Variants in GRIN2B observed in about 807,000 individuals in gnomAD.
GRIN2B encodes the protein glutamate ionotropic receptor NMDA type subunit 2B, also known as glutamate receptor ionotropic, NMDA 2B.
In GRIN2B, 5 loss-of-function variants were observed where a neutral mutation model predicts 114.5. The observed-to-expected ratio is 0.04, with a 90% CI of 0.02 to 0.09. The LOEUF (loss-of-function observed/expected upper bound fraction) is 0.09, where lower values mean the gene tolerates loss of function less well. Among genes scored for constraint, GRIN2B ranks in the 10% least tolerant of loss-of-function variants. The pLI is 1.00. For missense variants in GRIN2B, 1,108 were observed against 1,943.5 expected (o/e 0.57, Z 8.08); for synonymous variants, 787 against 745.1 (o/e 1.06, Z -0.92).
chr12:13,689,971 CTT>C (rs754767400), intron 4 of GRIN2B, among the ~76,000 whole-genome samples: 71 of 152,254 alleles, frequency 4.7e-4, no homozygotes, highest in Non-Finnish European at 9.0e-4. Context: ...CTTCTCTCCT[CTT>C]GTCTTATCTT....
At position 13,554,671 on chromosome 12, in the gene GRIN2B, T is replaced by G. The variant is rs955919218; in HGVS notation, c.*8112A>C. On this transcript the variant is annotated 3_prime_UTR_variant, in exon 14 of 14. Transcript: ENST00000609686. Reference sequence around the variant, plus strand: ...GAAGTGAGTACTGACAAGAGTAGATTCAAATATAAAATATTGGAACAATGC... The same window carrying G: ...GAAGTGAGTACTGACAAGAGTAGATGCAAATATAAAATATTGGAACAATGC... The G allele has an allele frequency of 6.6e-6, 1 of 152,146 alleles. No homozygotes were observed. The highest frequency in any genetic ancestry group is 1.5e-5 in the Non-Finnish European group (1 of 68,018). The allele number at this position is 152,146 out of a possible 1,614,324, so 9.4% of individuals were successfully genotyped here.
chr12:13,955,008 C>T (rs1167936151), intron 2 of GRIN2B, among the ~76,000 whole-genome samples: 1 of 151,724 alleles, frequency 6.6e-6, no homozygotes, highest in Admixed American at 6.6e-5. Flanking sequence ...ATGTGGTTGC[C>T]CTTTTTTAGG....
intron 3 of GRIN2B, among the ~76,000 whole-genome samples, chr12:13,767,090 A>T (rs1382774281): frequency 3.3e-5 from 5 of 152,046 alleles, no homozygotes; most frequent in African/African-American, 1.2e-4. Context: ...CCCCGTCTCT[A>T]CTAAAAAATA....
At chr12:13,567,492 GTACCGCAGGCGA>G (rs1948656536) in intron 12 of GRIN2B, among the ~76,000 whole-genome samples, 1 of 152,176 alleles carries the variant, frequency 6.6e-6, no homozygotes, top group African/African-American at 2.4e-5. Flanking sequence ...TTTCACATGA[GTACCGCAGGCGA>G]TATGAACACA....
intron 10 of GRIN2B, among the ~76,000 whole-genome samples, chr12:13,604,688 AC>A (rs1448696629): frequency 6.6e-6 from 1 of 152,182 alleles, no homozygotes; most frequent in Non-Finnish European, 1.5e-5. Context: ...GCATTACCAT[AC>A]CCTGTCCCAA....
intron 4 of GRIN2B, among the ~76,000 whole-genome samples, chr12:13,726,462 G>T (rs1862987469): frequency 6.6e-6 from 1 of 150,740 alleles, no homozygotes; most frequent in African/African-American, 2.5e-5. Flanking sequence ...TTGAACTCAG[G>T]AGGTGGAGGT....
chr12:13,925,028 A>C (rs1169537070), intron 2 of GRIN2B, among the ~76,000 whole-genome samples: 1 of 152,256 alleles, frequency 6.6e-6, no homozygotes, highest in East Asian at 1.9e-4. Flanking sequence ...CTCAAAGGAC[A>C]AAGAAAATCT....
chr12:13,821,840 C>T lies in GRIN2B; in HGVS notation c.411+43958G>A, dbSNP rs1011893272. ...CCAGGACCAGAAGTTCTTTTACCAA[C>T]CAAACTTAAAGCGAAGAAAATATAT... is the stretch of plus-strand genomic sequence containing the variant. On this transcript the variant is annotated intron_variant, in intron 3 of 13. Transcript: ENST00000609686. 2.0e-5 allele frequency among the ~76,000 whole-genome samples: 3 copies of T among 152,302 alleles called. No homozygotes were observed. The South Asian group carries it at 6.2e-4, about 32-fold the overall frequency.
In GRIN2B at chr12:13,562,760, C is replaced by A; in HGVS notation, c.*23G>T. On this transcript the variant is annotated 3_prime_UTR_variant, in exon 14 of 14. Coordinates refer to ENST00000609686, the MANE Select transcript of GRIN2B (RefSeq NM_000834.5). ...CCACAGCCTTACCCTCCCGTACCCA[C>A]CTTAACCTCTCTGTTCCCTCACTCA... 6.2e-7 allele frequency: 1 copy of A among 1,605,036 alleles called. No homozygotes were observed. Among genetic ancestry groups the A allele is most frequent in the East Asian group, 2.2e-5 (1 of 44,820 alleles).
At chr12:13,692,536 C>T (rs2136559228) in intron 4 of GRIN2B, among the ~76,000 whole-genome samples, 1 of 152,128 alleles carries the variant, frequency 6.6e-6, no homozygotes, top group South Asian at 2.1e-4. Flanking sequence ...CTGGTTTCCT[C>T]CCACATCTCA....
intron 12 of GRIN2B, among the ~76,000 whole-genome samples, chr12:13,568,165 G>A (rs1406756731): frequency 6.6e-6 from 1 of 152,138 alleles, no homozygotes; most frequent in African/African-American, 2.4e-5. Flanking sequence ...TTTAACTCAT[G>A]TCAGATTTCA....
At chr12:13,578,005 A>C (rs1948800093) in intron 10 of GRIN2B, among the ~76,000 whole-genome samples, 1 of 152,242 alleles carries the variant, frequency 6.6e-6, no homozygotes, top group South Asian at 2.1e-4. Flanking sequence ...AGTATTGCAG[A>C]AGAGTATGAT....
chr12:13,680,543 G>T (rs1478259534), intron 4 of GRIN2B, among the ~76,000 whole-genome samples: 2 of 151,508 alleles, frequency 1.3e-5, no homozygotes, highest in East Asian at 3.9e-4. Flanking sequence ...AAACCAGATG[G>T]TCTGCCTCAT....
At chr12:13,957,663 A>G (rs1378763839) in intron 2 of GRIN2B, among the ~76,000 whole-genome samples, 12 of 152,160 alleles carry the variant, frequency 7.9e-5, no homozygotes. Flanking sequence ...CCCACCCAGG[A>G]GCTGGCGGTT....
rs1867789996 is a variant in GRIN2B at position 13,966,342 on chromosome 12, T to C, written c.-19+13586A>G. On this transcript the variant is annotated intron_variant, in intron 2 of 13. Coordinates refer to ENST00000609686, the MANE Select transcript of GRIN2B (RefSeq NM_000834.5). ...TTGTCTTTGCCTCCGTTGTCTTCCTTCATTGAAAACCTTCCTTTTCTTTCT... is the reference window on the plus strand; with the variant it reads ...TTGTCTTTGCCTCCGTTGTCTTCCTCCATTGAAAACCTTCCTTTTCTTTCT... Among the ~76,000 whole-genome samples the C allele has an allele frequency of 2.0e-5, 3 of 152,236 alleles. No individual in the cohort carries two copies. The South Asian group carries it at 6.2e-4, about 32-fold the overall frequency.
At chr12:13,638,518 A>C (rs1452204331) in intron 5 of GRIN2B, among the ~76,000 whole-genome samples, 1 of 152,102 alleles carries the variant, frequency 6.6e-6, no homozygotes, top group African/African-American at 2.4e-5. Context: ...ACTAGGGAAA[A>C]GTCATGCTTT....
intron 4 of GRIN2B, among the ~76,000 whole-genome samples, chr12:13,711,373 G>C (rs1260379790): frequency 6.8e-4 from 104 of 151,964 alleles, no homozygotes; most frequent in Admixed American, 4.6e-3. Context: ...CCAAAATTGA[G>C]CAATGGGATC....
chr12:13,769,027 C>T (rs927770902), intron 3 of GRIN2B, among the ~76,000 whole-genome samples: 6 of 152,128 alleles, frequency 3.9e-5, no homozygotes, highest in Non-Finnish European at 7.3e-5. Context: ...GAGTAAGACT[C>T]TGTCTCAAAA....
At chr12:13,788,326 T>A (rs1373074765) in intron 3 of GRIN2B, among the ~76,000 whole-genome samples, 1 of 152,236 alleles carries the variant, frequency 6.6e-6, no homozygotes, top group African/African-American at 2.4e-5. Flanking sequence ...CAGAATGGAC[T>A]AAGTTTCCAG....
Sources: gnomAD v4.1 joint callset for allele counts (sites outside exome capture counted in the v4.1 genomes callset) on GRCh38, gnomAD v4.1.1 for gene constraint, MANE v1.5 for transcripts, NCBI Gene and HGNC (gene_info 2026-07-23, HGNC 2026-07-21) for gene names.